SRSF11: variants seen among roughly 807,000 people sequenced by gnomAD.
SRSF11 encodes the protein serine/arginine-rich splicing factor 11.
SRSF11 carries 9 observed loss-of-function variants against 56.0 expected under a neutral mutation model. That is an observed-to-expected ratio of 0.16 (90% CI 0.10 to 0.28). The LOEUF is 0.28. Among genes scored for constraint, SRSF11 ranks in the 10% least tolerant of loss-of-function variants. The pLI is 1.00. For missense variants in SRSF11, 421 were observed against 600.7 expected, an observed-to-expected ratio of 0.70 and a Z score of 3.13; for synonymous variants, 222 against 215.3, an observed-to-expected ratio of 1.03 and a Z score of -0.27.
chr1:70,227,614 A>T (rs1558170307), intron 1 of SRSF11, among the ~76,000 whole-genome samples: 1 of 152,200 alleles, frequency 6.6e-6, no homozygotes, highest in Non-Finnish European at 1.5e-5. Context: ...ATTCATGCAC[A>T]GAGTTTCAAG....
chr1:70,223,626 C>A (rs529832192), intron 1 of SRSF11, among the ~76,000 whole-genome samples: 11 of 152,264 alleles, frequency 7.2e-5, no homozygotes, highest in African/African-American at 2.6e-4. Flanking sequence ...TTCCCACATA[C>A]AAGATCATTT....
Position 70,232,374 on chromosome 1 carries a change from C to T in SRSF11, c.444C>T (p.Thr148=). The change falls in exon 3 of 12, where the codon ACC becomes ACT. Residue 148 remains threonine (T), a synonymous_variant. Transcript: ENST00000370949. ...TCCTGCCTACTCCTAACCCACTTAC[C>T]CAGGTACTAGTTCTATTGAATTCTT... ...GGLLPTPNPL[T]QIGAVPLAAL... 1.9e-6 allele frequency: 3 copies of T among 1,611,168 alleles called. No individual in the cohort carries two copies. The highest frequency in any genetic ancestry group is 2.5e-6 in the Non-Finnish European group (3 of 1,178,394).
rs115003358 is a variant in SRSF11, at chr1:70,242,541, C to T, written c.801-2143C>T. On this transcript the variant is annotated intron_variant, in intron 7 of 11. Coordinates refer to ENST00000370949, the MANE Select transcript of SRSF11 (RefSeq NM_001350605.2). ...CTGGTCTCGAACTCCTGAGCTCGAG[C>T]TGTTTGCCCACCTCGGCCTCCCAAA... 0.011 allele frequency among the ~76,000 whole-genome samples: 1,716 copies of T among 150,758 alleles called. 20 individuals are homozygous for T. The Middle Eastern group carries it at 0.12, about 10-fold the overall frequency.
rs556997982 is a variant in SRSF11, at chr1:70,225,432, G to A, written c.204-2990G>A. On this transcript the variant is annotated intron_variant, in intron 1 of 11. Transcript: ENST00000370949. ...GCAGTCAAGTTTTCAGGTTAATGTC[G>A]TCTTTGTCACACACCTCCTTTTGTG... Among the ~76,000 whole-genome samples, 21 of 152,232 alleles carry A rather than the reference G, an allele frequency of 1.4e-4. No individual in the cohort carries two copies. In the South Asian group the frequency reaches 2.9e-3, roughly 21 times the overall value.
At position 70,236,438 on chromosome 1, in the gene SRSF11, C is replaced by A. The variant is rs146150931; in HGVS notation, c.590+888C>A. On this transcript the variant is annotated intron_variant, in intron 5 of 11. Coordinates refer to ENST00000370949, the MANE Select transcript of SRSF11 (RefSeq NM_001350605.2). Reference sequence around the variant, plus strand: ...CTCCGCCTCCCAGATTCAAGCAATTCTTTTGCCTTAGCCTCCCAAGTAGCT... The same window carrying A: ...CTCCGCCTCCCAGATTCAAGCAATTATTTTGCCTTAGCCTCCCAAGTAGCT... Among the ~76,000 whole-genome samples, 120 of 149,742 alleles carry A rather than the reference C, an allele frequency of 8.0e-4. 1 individual carries two copies. The highest frequency in any genetic ancestry group is 6.7e-3 in the Admixed American group (100 of 14,910).
At chr1:70,208,510 A>AT (rs768662764) in intron 1 of SRSF11, among the ~76,000 whole-genome samples, 12 of 151,962 alleles carry the variant, frequency 7.9e-5, no homozygotes, top group East Asian at 3.9e-4. Context: ...ATTTTTTTGT[A>AT]TTTTTTTAGC....
Position 70,252,378 on chromosome 1 carries a change from A to G in SRSF11, c.*1573A>G, listed in dbSNP as rs900929293. The G allele has an allele frequency of 6.6e-6, 1 of 152,174 alleles. No individual in the cohort carries two copies. The highest frequency in any genetic ancestry group is 2.4e-5 in the African/African-American group (1 of 41,452). 9.4% of individuals were successfully genotyped at this position (152,174 alleles called of 1,614,324 possible). ...TGTCAATATGTATCTACTGTACAGT[A>G]CTAAATAGTATTCATTTATGAAATG... On this transcript the variant is annotated 3_prime_UTR_variant, in exon 12 of 12. Transcript: ENST00000370949.
intron 1 of SRSF11, among the ~76,000 whole-genome samples, chr1:70,207,383 A>G (rs1669143568): frequency 6.6e-6 from 1 of 152,296 alleles, no homozygotes; most frequent in East Asian, 1.9e-4. Flanking sequence ...ATTGAGGCTA[A>G]AAGGGGTGAA....
At position 70,249,582 on chromosome 1, in the gene SRSF11, G is replaced by A. The variant is rs145617387; in HGVS notation, c.1023-370G>A. 1,138 of 171,250 alleles carry A rather than the reference G, an allele frequency of 6.6e-3. 15 individuals carry two copies. The highest frequency in any genetic ancestry group is 0.026 in the African/African-American group (1,077 of 41,922). The allele number at this position is 171,250 out of a possible 1,614,324, so 10.6% of individuals were successfully genotyped here. A position where few individuals can be genotyped will look rare whatever the true frequency, so the allele number is the denominator to read the frequency against. On this transcript the variant is annotated intron_variant, in intron 9 of 11. Coordinates refer to ENST00000370949, the MANE Select transcript of SRSF11 (RefSeq NM_001350605.2). ...TCATTTTTCTGTTTTTTTGAGACAG[G>A]GTCTCTCTCTGTTGCCCAGGCTGGA...
At chr1:70,210,864 T>TA (rs896092900) in intron 1 of SRSF11, among the ~76,000 whole-genome samples, 259 of 148,522 alleles carry the variant, frequency 1.7e-3, no homozygotes, top group African/African-American at 3.8e-3. Context: ...GAAGAACTAG[T>TA]AAAAAAAAAA....
chr1:70,234,815 C>T lies in SRSF11; in HGVS notation c.540+27C>T, dbSNP rs757102771. The T allele has an allele frequency of 1.9e-6, 3 of 1,545,208 alleles. No homozygotes were observed. In the Admixed American group the frequency reaches 5.8e-5, roughly 30 times the overall value. On this transcript the variant is annotated intron_variant, in intron 4 of 11. Transcript: ENST00000370949. Reference sequence around the variant, plus strand: ...TATACCTTAGTAACTTCAAATTTTTCACCCATTTTTACAGAAGATCTGTTT... The same window carrying T: ...TATACCTTAGTAACTTCAAATTTTTTACCCATTTTTACAGAAGATCTGTTT...
At chr1:70,239,873 A>G (rs1674939080) in intron 7 of SRSF11, among the ~76,000 whole-genome samples, 1 of 152,214 alleles carries the variant, frequency 6.6e-6, no homozygotes, top group Admixed American at 6.5e-5. Flanking sequence ...CTTAGATCAG[A>G]TCAGTAAAAT....
chr1:70,250,790 G>A lies in SRSF11; in HGVS notation c.1440G>A (p.Met480Ile). 1 of 1,613,836 alleles carries A rather than the reference G, an allele frequency of 6.2e-7. No homozygotes were observed. Among genetic ancestry groups the A allele is most frequent in the Non-Finnish European group, 8.5e-7 (1 of 1,179,864 alleles). ...VNGDDHHEEDMDMSD is the reference protein window; with the variant it reads ...VNGDDHHEEDIDMSD ...GGGATGATCATCATGAAGAAGACAT[G>A]GATATGAGTGACTGAATATTGCCTC... The change falls in exon 12 of 12, where the codon ATG (methionine) becomes ATA (isoleucine). Residue 480 changes from methionine to isoleucine, a missense_variant. By Grantham distance (10) the Met-to-Ile change is conservative. Around this residue, in one of 2 missense-constraint regions of SRSF11, gnomAD observed 253 missense variants for 305.8 expected, o/e 0.83. Coordinates refer to ENST00000370949, the MANE Select transcript of SRSF11 (RefSeq NM_001350605.2).
At position 70,244,730 on chromosome 1, in the gene SRSF11, A is replaced by T. The variant is rs755504261; in HGVS notation, c.847A>T (p.Ser283Cys). Residue 283 changes from serine (S) to cysteine (C), a missense_variant, in exon 8 of 12, where the codon AGT (serine) becomes TGT (cysteine). Physicochemically the swap from Ser to Cys is moderately radical, Grantham distance 112 (BLOSUM62 -1). Around this residue, in one of 2 missense-constraint regions of SRSF11, gnomAD observed 253 missense variants for 305.8 expected, o/e 0.83. Transcript: ENST00000370949. ...SRRRSHSKSR[S>C]RRRSKSPRRR... is the part of the protein sequence containing the mutation. ...ACGGCGGTCACATTCTAAGTCTAGG[A>T]GTCGGCGACGATCCAAAAGCCCAAG... The T allele has an allele frequency of 1.2e-6, 2 of 1,614,218 alleles. No homozygotes were observed. The highest frequency in any genetic ancestry group is 2.2e-5 in the South Asian group (2 of 91,082).
intron 1 of SRSF11, among the ~76,000 whole-genome samples, chr1:70,206,348 A>AT (rs975631430): frequency 6.6e-6 from 1 of 151,874 alleles, no homozygotes; most frequent in African/African-American, 2.4e-5. Flanking sequence ...TTTAAAGCTC[A>AT]TTCCTTTTTT....
intron 7 of SRSF11, among the ~76,000 whole-genome samples, chr1:70,240,918 G>C (rs1346213229): frequency 6.6e-6 from 1 of 152,082 alleles, no homozygotes; most frequent in Non-Finnish European, 1.5e-5. Flanking sequence ...GATTACAGGT[G>C]TGTGCCACCA....
chr1:70,230,442 C>G, intron 2 of SRSF11: 1 of 1,180,470 alleles, frequency 8.5e-7, no homozygotes, highest in Non-Finnish European at 1.1e-6. Flanking sequence ...ACTAAGATAG[C>G]TGAATTTGGA....
upstream of SRSF11, among the ~76,000 whole-genome samples, chr1:70,220,420 G>T (rs1486740122): frequency 1.3e-5 from 2 of 152,188 alleles, no homozygotes; most frequent in African/African-American, 2.4e-5. Context: ...TTTTTTAATA[G>T]TCAAAAGCTT....
intron 3 of SRSF11, among the ~76,000 whole-genome samples, chr1:70,233,572 G>GTA (rs1479982484): frequency 2.0e-5 from 3 of 152,174 alleles, no homozygotes; most frequent in African/African-American, 7.2e-5. Context: ...TTCCTTTAAT[G>GTA]TATAAAGCTA....
Sources: allele counts gnomAD v4.1 joint callset (sites outside exome capture counted in the v4.1 genomes callset), GRCh38; gene constraint gnomAD v4.1.1; regional missense constraint gnomAD v4.1.1; transcripts MANE v1.5; gene names NCBI Gene and HGNC (gene_info 2026-07-23, HGNC 2026-07-21).